SOX6: variants seen among roughly 807,000 people sequenced by gnomAD.
SOX6 encodes transcription factor SOX-6.
In SOX6, 11 loss-of-function variants were observed where a neutral mutation model predicts 97.8. That is an observed-to-expected ratio of 0.11 (90% CI 0.07 to 0.19). SOX6 has a LOEUF of 0.19. SOX6 is among the 10% of genes least tolerant of loss of function. SOX6 has a pLI of 1.00. For synonymous variants in SOX6, 360 were observed against 371.4 expected (o/e 0.97, Z 0.35); for missense variants, 810 against 1,039.5 (o/e 0.78, Z 3.04).
chr11:16,057,934 C>A (rs1465189520), intron 9 of SOX6, among the ~76,000 whole-genome samples: 1 of 152,032 alleles, frequency 6.6e-6, no homozygotes, highest in African/African-American at 2.4e-5. Flanking sequence ...CTTCCCTTTC[C>A]ACTGAATGTT....
At chr11:16,201,183 C>CGTAGGTTG (rs1288542444) in intron 4 of SOX6, among the ~76,000 whole-genome samples, 5 of 151,270 alleles carry the variant, frequency 3.3e-5, no homozygotes, top group African/African-American at 1.2e-4. Context: ...CATCATCCAA[C>CGTAGGTTG]CTACGACATT....
intron 1 of SOX6, among the ~76,000 whole-genome samples, chr11:16,388,887 C>A (rs917079771): frequency 6.6e-6 from 1 of 152,094 alleles, no homozygotes; most frequent in Non-Finnish European, 1.5e-5. Context: ...GAACTTCTTA[C>A]GACTGTACAT....
intron 6 of SOX6, among the ~76,000 whole-genome samples, chr11:16,116,080 T>C (rs1458723071): frequency 1.3e-5 from 2 of 152,158 alleles, no homozygotes; most frequent in Non-Finnish European, 2.9e-5. Context: ...AAACTCCAAG[T>C]GCCCTTTATT....
chr11:16,083,830 C>T (rs1477782154), intron 9 of SOX6, among the ~76,000 whole-genome samples: 2 of 152,044 alleles, frequency 1.3e-5, no homozygotes, highest in African/African-American at 4.8e-5. Context: ...GGTATTTTTC[C>T]TAATCCCATT....
At chr11:16,026,538 A>G (rs536280587) in intron 12 of SOX6, among the ~76,000 whole-genome samples, 1 of 152,330 alleles carries the variant, frequency 6.6e-6, no homozygotes, top group South Asian at 2.1e-4. Flanking sequence ...GCACTAGCCC[A>G]GAATACATCT....
chr11:16,028,070 T>C (rs1434100524), intron 12 of SOX6, among the ~76,000 whole-genome samples: 1 of 152,240 alleles, frequency 6.6e-6, no homozygotes, highest in Middle Eastern at 3.2e-3. Flanking sequence ...GAGTGAAAAC[T>C]GCTCTGACAT....
At position 15,989,159 on chromosome 11, in the gene SOX6, C is replaced by A; in HGVS notation, c.1804G>T (p.Val602Leu). The A allele has an allele frequency of 6.2e-7, 1 of 1,614,170 alleles. No individual in the cohort carries two copies. Among genetic ancestry groups the A allele is most frequent in the Non-Finnish European group, 8.5e-7 (1 of 1,179,990 alleles). ...YYCWPTGGAT[V>L]AEARVYRDAR... ...TCCCTGTAGACTCGTGCTTCAGCCA[C>A]AGTGGCACCTCCTGTTGGCCAACAA... Residue 602 changes from valine (V) to leucine (L), a missense_variant, in exon 14 of 16, where the codon GTG becomes TTG. Coordinates refer to ENST00000683767, the MANE Select transcript of SOX6 (RefSeq NM_001367873.1).
intron 12 of SOX6, among the ~76,000 whole-genome samples, chr11:16,037,167 C>T (rs1376765841): frequency 6.6e-6 from 1 of 152,048 alleles, no homozygotes; most frequent in Non-Finnish European, 1.5e-5. Flanking sequence ...AAATTCCTGA[C>T]AACATGTGCT....
chr11:16,470,110 C>T (rs1476002718), intron 1 of SOX6, among the ~76,000 whole-genome samples: 2 of 152,122 alleles, frequency 1.3e-5, no homozygotes, highest in Admixed American at 6.6e-5. Flanking sequence ...CTCTAATTAA[C>T]ATGAGCACAC....
intron 15 of SOX6, among the ~76,000 whole-genome samples, chr11:15,977,564 G>A (rs185501420): frequency 1.1e-3 from 166 of 151,634 alleles, no homozygotes; most frequent in African/African-American, 3.8e-3. Context: ...CCAATTCCAT[G>A]GTTACTCACT....
intron 6 of SOX6, among the ~76,000 whole-genome samples, chr11:16,169,625 C>G (rs1233392352): frequency 6.6e-6 from 1 of 152,028 alleles, no homozygotes; most frequent in Non-Finnish European, 1.5e-5. Context: ...TAGCCAAACA[C>G]TCACAGAAAA....
At chr11:16,319,536 G>A (rs1855850584) in intron 2 of SOX6, among the ~76,000 whole-genome samples, 1 of 142,842 alleles carries the variant, frequency 7.0e-6, no homozygotes, top group East Asian at 2.1e-4. Context: ...GCCCTGGTGT[G>A]TGATGTTCCC....
intron 6 of SOX6, among the ~76,000 whole-genome samples, chr11:16,136,874 G>A (rs9651573): frequency 0.52 from 79,117 of 151,958 alleles, 20,822 homozygotes; most frequent in Admixed American, 0.61. Context: ...AGTCTCTCCA[G>A]ACCATAAACC....
intron 3 of SOX6, among the ~76,000 whole-genome samples, chr11:16,668,360 G>A (rs1431438646): frequency 6.6e-6 from 1 of 151,868 alleles, no homozygotes; most frequent in African/African-American, 2.4e-5. Context: ...GTGACACAGG[G>A]AGACTCCATC....
intron 9 of SOX6, among the ~76,000 whole-genome samples, chr11:16,060,995 A>T (rs1204110532): frequency 6.6e-6 from 1 of 151,850 alleles, no homozygotes; most frequent in Non-Finnish European, 1.5e-5. Flanking sequence ...ATACAAAATC[A>T]TTGCATATTA....
intron 2 of SOX6, among the ~76,000 whole-genome samples, chr11:16,339,900 C>T (rs970168357): frequency 1.3e-5 from 2 of 152,030 alleles, no homozygotes; most frequent in East Asian, 3.8e-4. Context: ...TTACCTTCTT[C>T]CTACTCAAGA....
chr11:16,459,957 C>T (rs1227810980), intron 1 of SOX6, among the ~76,000 whole-genome samples: 1 of 151,636 alleles, frequency 6.6e-6, no homozygotes, highest in Non-Finnish European at 1.5e-5. Context: ...ACCCACAGAT[C>T]CAAGCATCTC....
intron 1 of SOX6, among the ~76,000 whole-genome samples, chr11:16,451,659 G>T (rs117933805): frequency 6.6e-6 from 1 of 152,124 alleles, no homozygotes; most frequent in Non-Finnish European, 1.5e-5. Context: ...GGGATGGAAG[G>T]CCTATTCATT....
chr11:15,990,972 A>T (rs138957113), intron 13 of SOX6, among the ~76,000 whole-genome samples: 1 of 152,316 alleles, frequency 6.6e-6, no homozygotes, highest in East Asian at 1.9e-4. Flanking sequence ...ATTATAGTGC[A>T]CTATTATTTA....
Sources: gnomAD v4.1 joint callset for allele counts (sites outside exome capture counted in the v4.1 genomes callset) on GRCh38, gnomAD v4.1.1 for gene constraint, MANE v1.5 for transcripts, NCBI Gene and HGNC (gene_info 2026-07-23, HGNC 2026-07-21) for gene names.